The following UMODL1 variants were observed in gnomAD, a reference collection of about 807,000 sequenced individuals.
The protein encoded by UMODL1 is uromodulin-like 1.
Under a neutral mutation model 136.3 loss-of-function variants are expected in UMODL1, and 128 were observed. That is an observed-to-expected ratio of 0.94 (90% CI 0.81 to 1.09). UMODL1 has a LOEUF of 1.09. Ranked by LOEUF, UMODL1 falls within the 50% of genes least tolerant of loss-of-function variation. The pLI is 0.00. For missense variants in UMODL1, 1,766 were observed against 1,725.6 expected, an observed-to-expected ratio of 1.02 and a Z score of -0.41; for synonymous variants, 721 against 720.0, an observed-to-expected ratio of 1.00 and a Z score of -0.02.
In UMODL1 at chr21:42,123,504, T is replaced by G. The variant is rs527821934; in HGVS notation, c.3147+354T>G. Reference sequence around the variant, plus strand: ...GAGTGTGTGTGTGTGAGTGTACGTGTGTGCATGTGTGCATGTGTCTGAATA... The same window carrying G: ...GAGTGTGTGTGTGTGAGTGTACGTGGGTGCATGTGTGCATGTGTCTGAATA... On this transcript the variant is annotated intron_variant, in intron 17 of 22. Coordinates refer to ENST00000408910, the MANE Select transcript of UMODL1 (RefSeq NM_001004416.3). This position sits in a 1 kb window ranked among gnomAD's most constrained non-coding sequence, Gnocchi z 4.4. Among the ~76,000 whole-genome samples, 484 of 81,230 alleles carry G rather than the reference T, an allele frequency of 6.0e-3. 4 individuals are homozygous for G. The highest frequency in any genetic ancestry group is 0.017 in the African/African-American group (458 of 26,194). The allele number at this position is 81,230 out of a possible 152,430, so 53.3% of individuals were successfully genotyped here. A position where few individuals can be genotyped will look rare whatever the true frequency, so the allele number is the denominator to read the frequency against.
chr21:42,111,492 C>T lies in UMODL1; in HGVS notation c.1900-14C>T. ...CCTGGGGCCACAGATGGCCCACTGG[C>T]CCTCCCTGGACAGCTACAGGGAAAC... On this transcript the variant is annotated splice_polypyrimidine_tract_variant and intron_variant, in intron 11 of 22. Transcript: ENST00000408910. 1.2e-6 allele frequency: 2 copies of T among 1,613,800 alleles called. No individual in the cohort carries two copies. The highest frequency in any genetic ancestry group is 1.7e-6 in the Non-Finnish European group (2 of 1,179,768).
chr21:42,073,544 A>G (rs995090058), intron 1 of UMODL1, among the ~76,000 whole-genome samples: 4 of 152,000 alleles, frequency 2.6e-5, no homozygotes, highest in African/African-American at 9.7e-5. Context: ...TTGCTTGTGG[A>G]GTGGGGTCGC....
intron 13 of UMODL1, among the ~76,000 whole-genome samples, chr21:42,115,414 C>G (rs1460311315): frequency 6.6e-6 from 1 of 152,234 alleles, no homozygotes; most frequent in African/African-American, 2.4e-5. Context: ...CCCTGGGCAC[C>G]CTGTGGCCAC....
intron 21 of UMODL1, among the ~76,000 whole-genome samples, chr21:42,130,435 A>G (rs1425239716): frequency 6.6e-6 from 1 of 152,166 alleles, no homozygotes; most frequent in African/African-American, 2.4e-5. Context: ...ATTTTGAAAA[A>G]AAAATACATT....
intron 7 of UMODL1, among the ~76,000 whole-genome samples, chr21:42,100,672 C>T (rs879281092): frequency 5.9e-5 from 9 of 151,926 alleles, no homozygotes; most frequent in African/African-American, 1.2e-4. Context: ...CAAAATTGAT[C>T]TCTATTGGGA....
chr21:42,068,335 T>C (rs1200811917), upstream of UMODL1, among the ~76,000 whole-genome samples: 1 of 152,162 alleles, frequency 6.6e-6, no homozygotes, highest in Non-Finnish European at 1.5e-5. This position sits in a 1 kb window ranked among gnomAD's most constrained non-coding sequence, Gnocchi z 5.5. Flanking sequence ...GCTGGGAGCC[T>C]GCATTTTCTA....
chr21:42,102,503 A>G (rs1465886629), intron 8 of UMODL1: 2 of 393,754 alleles, frequency 5.1e-6, no homozygotes, highest in East Asian at 8.4e-5. Flanking sequence ...TCCATCTTTA[A>G]GATATGTGCC....
At chr21:42,111,337 G>C in intron 11 of UMODL1, 169 bp from the exon 12 acceptor site, 2 of 1,606,448 alleles carry the variant, frequency 1.2e-6, no homozygotes, top group Non-Finnish European at 1.7e-6. Context: ...GCCCCAGCCA[G>C]GGGAGCCCCA....
At position 42,119,094 on chromosome 21, in the gene UMODL1, G is replaced by A; in HGVS notation, c.2476-17G>A. 6.2e-7 allele frequency: 1 copy of A among 1,609,954 alleles called. No homozygotes were observed. Among genetic ancestry groups the A allele is most frequent in the Non-Finnish European group, 8.5e-7 (1 of 1,178,470 alleles). Reference sequence around the variant, plus strand: ...TCTCAGCGTGGGGACCTCCTCACATGGCCTCTTTCCCCGCAGGTGCGGGGC... The same window carrying A: ...TCTCAGCGTGGGGACCTCCTCACATAGCCTCTTTCCCCGCAGGTGCGGGGC... On this transcript the variant is annotated splice_polypyrimidine_tract_variant and intron_variant, in intron 14 of 22. Transcript: ENST00000408910.
At position 42,126,398 on chromosome 21, in the gene UMODL1, G is replaced by C. The variant is rs1236108772; in HGVS notation, c.3201G>C (p.Glu1067Asp). Residue 1067 changes from glutamate (E) to aspartate (D), a missense_variant, in exon 18 of 23, where the codon GAG becomes GAC. Transcript: ENST00000408910. ...CGCTGAGGAACGACCTGTCCCAGGA[G>C]GGCATCATCCACCACCTGAAGATCC... ...RTTLRNDLSQ[E>D]GIIHHLKILS... 1 of 1,614,196 alleles carries C rather than the reference G, an allele frequency of 6.2e-7. No homozygotes were observed. The highest frequency in any genetic ancestry group is 8.5e-7 in the Non-Finnish European group (1 of 1,180,030).
In UMODL1 at chr21:42,084,130, C is replaced by T. The variant is rs367954198; in HGVS notation, c.366C>T (p.Pro122=). 57 of 1,613,954 alleles carry T rather than the reference C, an allele frequency of 3.5e-5. No individual in the cohort carries two copies. The highest frequency in any genetic ancestry group is 5.5e-5 in the South Asian group (5 of 91,078). The part of the protein sequence containing the change: ...GQFTSRPGAC[P]AEGPEPSTSP... Reference sequence around the variant, plus strand: ...TCACGTCAAGACCTGGGGCCTGCCCCGCAGAGGGGCCTGAACCATCCACCT... The same window carrying T: ...TCACGTCAAGACCTGGGGCCTGCCCTGCAGAGGGGCCTGAACCATCCACCT... Residue 122 remains proline, a synonymous_variant, in exon 3 of 23, where the codon CCC becomes CCT. Transcript: ENST00000408910.
In UMODL1 at chr21:42,129,700, A is replaced by G. The variant is rs2067107770; in HGVS notation, c.3691-13A>G. On this transcript the variant is annotated splice_polypyrimidine_tract_variant and intron_variant, in intron 20 of 22. Transcript: ENST00000408910. ...TTAATTTGACGTTTCTCTTCTTGGA[A>G]AAAAAAAAACAGAATTGCAATAACT... 2 of 1,508,188 alleles carry G rather than the reference A, an allele frequency of 1.3e-6. No homozygotes were observed. The highest frequency in any genetic ancestry group is 2.5e-5 in the East Asian group (1 of 39,864). 93.4% of individuals were successfully genotyped at this position (1,508,188 alleles called of 1,614,324 possible).
Position 42,098,992 on chromosome 21 carries a change from G to C in UMODL1, c.998G>C (p.Arg333Pro). The change falls in exon 7 of 23, where the codon CGT (arginine) becomes CCT (proline). Residue 333 changes from arginine to proline, a missense_variant. By Grantham distance (103) the Arg-to-Pro change is moderately radical (BLOSUM62 -2). Coordinates refer to ENST00000408910, the MANE Select transcript of UMODL1 (RefSeq NM_001004416.3). ...VTSDSFQVSWRLNSTQNHTFH... is the reference protein window; with the variant it reads ...VTSDSFQVSWPLNSTQNHTFH... ...AGTGACAGTTTTCAAGTATCCTGGC[G>C]TTTAAATTCTACACAGAACCACACT... The C allele has an allele frequency of 6.2e-7, 1 of 1,614,164 alleles. No individual in the cohort carries two copies. Among genetic ancestry groups the C allele is most frequent in the Non-Finnish European group, 8.5e-7 (1 of 1,180,022 alleles).
chr21:42,100,243 G>C (rs1016461557), intron 7 of UMODL1, among the ~76,000 whole-genome samples: 1 of 152,154 alleles, frequency 6.6e-6, no homozygotes, highest in African/African-American at 2.4e-5. Flanking sequence ...TGTGGGCTTT[G>C]GGCTTCATGT....
At chr21:42,066,907 T>C (rs995923059), upstream of UMODL1, among the ~76,000 whole-genome samples, 4 of 152,246 alleles carry the variant, frequency 2.6e-5, no homozygotes, top group Admixed American at 2.0e-4. Context: ...TATTCAATAA[T>C]GAAACTTTTC....
intron 7 of UMODL1, among the ~76,000 whole-genome samples, chr21:42,101,333 C>G (rs921756041): frequency 2.6e-5 from 4 of 152,102 alleles, no homozygotes; most frequent in Non-Finnish European, 4.4e-5. Flanking sequence ...GTGCTCCTCC[C>G]TCTTGCTAAG....
chr21:42,130,849 G>A (rs1013337017), intron 21 of UMODL1, among the ~76,000 whole-genome samples: 4 of 146,268 alleles, frequency 2.7e-5, no homozygotes, highest in East Asian at 2.0e-4. Flanking sequence ...TTTCTCTGTC[G>A]CCCAGGCTGG....
chr21:42,096,004 CT>C (rs1455477739), intron 6 of UMODL1, among the ~76,000 whole-genome samples: 1 of 152,200 alleles, frequency 6.6e-6, no homozygotes. Context: ...GTTCCTACCG[CT>C]GCTATAATGC....
chr21:42,089,315 G>A (rs1443563241), intron 5 of UMODL1, among the ~76,000 whole-genome samples: 1 of 152,236 alleles, frequency 6.6e-6, no homozygotes, highest in African/African-American at 2.4e-5. Flanking sequence ...GCTCAGAGCC[G>A]TGTGAAAGCT....
Sources: gnomAD v4.1 joint callset for allele counts (sites outside exome capture counted in the v4.1 genomes callset) on GRCh38, gnomAD v4.1.1 for gene constraint, Gnocchi (gnomAD v3.1) non-coding constraint, MANE v1.5 for transcripts, NCBI Gene and HGNC (gene_info 2026-07-23, HGNC 2026-07-21) for gene names.